Variants in PFKFB3 observed in about 807,000 individuals in gnomAD.
The protein encoded by PFKFB3 is 6-phosphofructo-2-kinase/fructose-2,6-biphosphatase 3, also known as 6-phosphofructo-2-kinase/fructose-2,6-bisphosphatase 3.
Under a neutral mutation model 68.0 loss-of-function variants are expected in PFKFB3, and 33 were observed. The observed-to-expected ratio is 0.49, with a 90% CI of 0.37 to 0.65. PFKFB3 has a LOEUF of 0.65. Ranked by LOEUF, PFKFB3 falls within the 30% of genes least tolerant of loss-of-function variation. PFKFB3 has a pLI of 0.00. For missense variants in PFKFB3, 586 were observed against 712.2 expected (o/e 0.82, Z 2.02); for synonymous variants, 315 against 288.2 (o/e 1.09, Z -0.94).
At chr10:6,321,870 T>C in the PFKFB3 span, among the ~76,000 whole-genome samples, 1 of 152,230 alleles carries the variant, frequency 6.6e-6, no homozygotes, top group African/African-American at 2.4e-5. Flanking sequence ...TGGCTGCTCC[T>C]TCTCCTTTGC....
At chr10:6,302,669 C>T in the PFKFB3 span, among the ~76,000 whole-genome samples, 5 of 151,790 alleles carry the variant, frequency 3.3e-5, no homozygotes, top group African/African-American at 4.8e-5. Context: ...CATGAGCCAC[C>T]GTGCCCGGCC....
chr10:6,226,215 G>A lies in PFKFB3; in HGVS notation c.1365G>A (p.Pro455=), dbSNP rs572844646. The A allele has an allele frequency of 8.4e-5, 135 of 1,609,308 alleles. 1 individual carries two copies. In the South Asian group the frequency reaches 9.0e-4, roughly 11 times the overall value. Residue 455 remains proline (P), a synonymous_variant, in exon 14 of 15, where the codon CCG becomes CCA. Coordinates refer to ENST00000379775, the MANE Select transcript of PFKFB3 (RefSeq NM_004566.4). ...AGGATGCAAAGAAGGGACCTAACCC[G>A]CTCATGAGACGCAATAGTGTCACCC... The part of the protein sequence containing the change: ...RSEDAKKGPN[P]LMRRNSVTPL...
In PFKFB3 at chr10:6,210,424, T is replaced by G. The variant is rs868049548; in HGVS notation, c.77-3199T>G. On this transcript the variant is annotated intron_variant, in intron 1 of 14. Transcript: ENST00000379775. ...CACCCAGGCTGGAGTGCAGTGGCGC[T>G]ATCTCGGCTCACTGCAAGCTCCGCC... Among the ~76,000 whole-genome samples, 340 of 98,162 alleles carry G rather than the reference T, an allele frequency of 3.5e-3. 30 individuals are homozygous for G. The highest frequency in any genetic ancestry group is 7.2e-3 in the East Asian group (27 of 3,730). The allele number at this position is 98,162 out of a possible 152,430, so 64.4% of individuals were successfully genotyped here. A position where few individuals can be genotyped will look rare whatever the true frequency, so the allele number is the denominator to read the frequency against.
downstream of PFKFB3, among the ~76,000 whole-genome samples, chr10:6,239,123 T>C (rs1336788086): frequency 6.6e-6 from 1 of 152,172 alleles, no homozygotes; most frequent in Non-Finnish European, 1.5e-5. Context: ...TTTCTGACTT[T>C]AGGGGTTGAG....
At chr10:6,315,218 C>A in the PFKFB3 span, among the ~76,000 whole-genome samples, 1 of 152,280 alleles carries the variant, frequency 6.6e-6, no homozygotes, top group African/African-American at 2.4e-5. Context: ...GCTCCTTAAA[C>A]AAACAGGGGA....
downstream of PFKFB3, among the ~76,000 whole-genome samples, chr10:6,256,031 T>C (rs1324634270): frequency 6.6e-6 from 1 of 152,186 alleles, no homozygotes; most frequent in Admixed American, 6.5e-5. Context: ...AGCCTCTGAC[T>C]TGCCACTAAT....
At chr10:6,225,794 C>T (rs748442813) in intron 13 of PFKFB3, among the ~76,000 whole-genome samples, 112 of 152,310 alleles carry the variant, frequency 7.4e-4, no homozygotes, top group Non-Finnish European at 1.4e-3. Context: ...CCTTCCCCTC[C>T]CCAGCCTGTG....
downstream of PFKFB3, among the ~76,000 whole-genome samples, chr10:6,259,566 C>CCATCCATCCATCCATT (rs1564239547): frequency 1.8e-5 from 2 of 112,632 alleles, no homozygotes; most frequent in Non-Finnish European, 3.8e-5. Flanking sequence ...ATCCATCCAT[C>CCATCCATCCATCCATT]CACTCATCCA....
chr10:6,208,380 T>TTTTTTTTTTTTTTTTTTG (rs1843937865), intron 1 of PFKFB3, among the ~76,000 whole-genome samples: 1 of 139,822 alleles, frequency 7.2e-6, no homozygotes, highest in Non-Finnish European at 1.5e-5. Context: ...CCTTTTTTTT[T>TTTTTTTTTTTTTTTTTTG]TTTTTTTTTT....
rs143165945 is a variant in PFKFB3, at chr10:6,219,358, A to C, written c.499-211A>C. ...TTCCTGTCTCTGTCCTTCCGGCTTC[A>C]GTTCTCCATCTCCCCAGGGAATCCT... On this transcript the variant is annotated intron_variant, in intron 6 of 14. Coordinates refer to ENST00000379775, the MANE Select transcript of PFKFB3 (RefSeq NM_004566.4). Among the ~76,000 whole-genome samples the C allele has an allele frequency of 2.5e-3, 386 of 152,270 alleles. 2 individuals are homozygous for C. The highest frequency in any genetic ancestry group is 8.9e-3 in the African/African-American group (370 of 41,546).
rs1844519576 is a variant in PFKFB3 at position 6,215,530 on chromosome 10, C to T, written c.299+213C>T. Among the ~76,000 whole-genome samples the T allele has an allele frequency of 6.6e-6, 1 of 152,138 alleles. No individual in the cohort carries two copies. The highest frequency in any genetic ancestry group is 6.5e-5 in the Admixed American group (1 of 15,268). On this transcript the variant is annotated intron_variant, in intron 3 of 14. Coordinates refer to ENST00000379775, the MANE Select transcript of PFKFB3 (RefSeq NM_004566.4). The surrounding 1 kb of genome is among the most constrained non-coding windows in gnomAD (Gnocchi z 4.3). ...TCTGTAGGAGGCAGAGAAAGCCGGC[C>T]TGCGGGTGGGTCCTGCTGGTGGCTT...
chr10:6,196,936 C>A (rs1004568153), intron 1 of PFKFB3, among the ~76,000 whole-genome samples: 1 of 151,890 alleles, frequency 6.6e-6, no homozygotes, highest in African/African-American at 2.4e-5. Flanking sequence ...AGCCACTGTA[C>A]CTGGCTTGTT....
At chr10:6,320,979 C>T in the PFKFB3 span, among the ~76,000 whole-genome samples, 1 of 152,176 alleles carries the variant, frequency 6.6e-6, no homozygotes, top group African/African-American at 2.4e-5. Context: ...CATTTCTGAA[C>T]CAACCACTGT....
intron 1 of PFKFB3, among the ~76,000 whole-genome samples, chr10:6,194,198 G>A (rs985167407): frequency 6.7e-6 from 1 of 148,644 alleles, no homozygotes; most frequent in Non-Finnish European, 1.5e-5. Context: ...GCCACCTACC[G>A]CAGTCACTGT....
chr10:6,222,812 C>T, intron 10 of PFKFB3, 43 bp from the exon 11 acceptor site: 1 of 1,576,238 alleles, frequency 6.3e-7, no homozygotes, highest in Non-Finnish European at 8.6e-7. Context: ...AGAGCCCCTC[C>T]CGAGTGCCCT....
At chr10:6,196,378 A>G (rs1843176132) in intron 1 of PFKFB3, among the ~76,000 whole-genome samples, 1 of 152,156 alleles carries the variant, frequency 6.6e-6, no homozygotes, top group African/African-American at 2.4e-5. Flanking sequence ...AGATGTATAT[A>G]TAAGGGGAGT....
upstream of PFKFB3, among the ~76,000 whole-genome samples, chr10:6,200,751 G>A (rs929957570): frequency 2.7e-5 from 4 of 150,822 alleles, no homozygotes; most frequent in African/African-American, 9.7e-5. Context: ...AGGCGAATGG[G>A]GGAAGAACAT....
chr10:6,156,009 C>G (rs1041139380), intron 1 of PFKFB3, among the ~76,000 whole-genome samples: 3 of 152,104 alleles, frequency 2.0e-5, no homozygotes, highest in South Asian at 2.1e-4. Flanking sequence ...TCAACCCTCA[C>G]CCCCGCTGCC....
chr10:6,296,606 T>C, the PFKFB3 span, among the ~76,000 whole-genome samples: 3 of 152,144 alleles, frequency 2.0e-5, no homozygotes, highest in African/African-American at 4.8e-5. Flanking sequence ...AGGAAAGAGG[T>C]GGGCAATTCT....
Sources: allele counts gnomAD v4.1 joint callset (sites outside exome capture counted in the v4.1 genomes callset), GRCh38; gene constraint gnomAD v4.1.1; non-coding constraint Gnocchi (gnomAD v3.1); transcripts MANE v1.5; gene names NCBI Gene and HGNC (gene_info 2026-07-23, HGNC 2026-07-21).